ASIC5: variants seen among roughly 807,000 people sequenced by gnomAD.
ASIC5 encodes acid sensing ion channel subunit family member 5.
Under a neutral mutation model 51.2 loss-of-function variants are expected in ASIC5, and 52 were observed. The observed-to-expected ratio is 1.02, with a 90% CI of 0.81 to 1.28. The LOEUF (loss-of-function observed/expected upper bound fraction) is 1.28. Among genes scored for constraint, ASIC5 ranks in the 50% most tolerant of loss-of-function variants. ASIC5 has a pLI of 0.00. For missense variants in ASIC5, 635 were observed against 595.0 expected (o/e 1.07, Z -0.70); for synonymous variants, 231 against 200.7 (o/e 1.15, Z -1.28).
intron 2 of ASIC5, among the ~76,000 whole-genome samples, chr4:155,857,284 C>T (rs918628741): frequency 6.6e-6 from 1 of 151,922 alleles, no homozygotes; most frequent in Non-Finnish European, 1.5e-5. Context: ...CCACCATGCC[C>T]AGCTAATTTT....
At chr4:155,839,721 TA>T (rs923437010) in intron 6 of ASIC5, among the ~76,000 whole-genome samples, 63 of 137,066 alleles carry the variant, frequency 4.6e-4, no homozygotes, top group Middle Eastern at 3.6e-3. Flanking sequence ...ATACAATAAG[TA>T]AAAAAAAAAA....
rs370086360 is a variant in ASIC5, at chr4:155,842,318, G to A, written c.898C>T (p.Pro300Ser). 1.7e-5 allele frequency: 27 copies of A among 1,613,192 alleles called. No homozygotes were observed. Among genetic ancestry groups the A allele is most frequent in the African/African-American group, 4.0e-5 (3 of 74,868 alleles). The change falls in exon 6 of 10, where the codon CCT becomes TCT. Residue 300 changes from proline to serine, a missense_variant. Pro to Ser is a moderately conservative substitution (Grantham distance 74). Transcript: ENST00000537611. ...HQEYPWGECN[P>S]NIKLQNFSSY... ...CTAAAATTCTGCAGCTTGATGTTAG[G>A]ATTGCATTCTCCCCAAGGGTATTCT...
intron 9 of ASIC5, among the ~76,000 whole-genome samples, chr4:155,830,654 G>A (rs541681366): frequency 2.6e-5 from 4 of 152,058 alleles, no homozygotes; most frequent in East Asian, 3.8e-4. Flanking sequence ...CATTAAGTAC[G>A]TTCACATTGT....
intron 2 of ASIC5, 112 bp downstream of exon 2, chr4:155,863,336 G>A: frequency 2.1e-5 from 17 of 818,884 alleles, no homozygotes; most frequent in Non-Finnish European, 3.0e-5. Context: ...ATTTAATTCA[G>A]TGGTTTTACA....
chr4:155,843,970 C>T (rs1741180436), intron 4 of ASIC5, 140 bp from the exon 5 acceptor site: 1 of 850,780 alleles, frequency 1.2e-6, no homozygotes, highest in Admixed American at 2.8e-5. Context: ...CTCTTTTTGT[C>T]TAAAGTGTAT....
intron 2 of ASIC5, among the ~76,000 whole-genome samples, chr4:155,858,501 G>A (rs926856713): frequency 1.3e-5 from 2 of 152,064 alleles, no homozygotes; most frequent in African/African-American, 4.8e-5. Flanking sequence ...TCATTTCTGT[G>A]TAAAACTAAA....
At chr4:155,860,330 T>G (rs1023790602) in intron 2 of ASIC5, among the ~76,000 whole-genome samples, 13 of 151,868 alleles carry the variant, frequency 8.6e-5, no homozygotes, top group African/African-American at 3.1e-4. Context: ...TAAATAAATA[T>G]ACTTAGGGTT....
rs1284079908 is a variant in ASIC5 at position 155,830,118 on chromosome 4, A to G, written c.1328-72T>C. On this transcript the variant is annotated intron_variant, in intron 9 of 9. Transcript: ENST00000537611. ...AACAAATATTATTAGAAGTTAAATT[A>G]GTTGAAGCAAAATAGAGTCATAACT... is the stretch of plus-strand genomic sequence containing the variant. 7.4e-6 allele frequency: 8 copies of G among 1,074,220 alleles called. No individual in the cohort carries two copies. In the African/African-American group the frequency reaches 1.2e-4, roughly 16 times the overall value. 66.5% of individuals were successfully genotyped at this position (1,074,220 alleles called of 1,614,324 possible).
chr4:155,845,704 T>G (rs1418370382), intron 4 of ASIC5, among the ~76,000 whole-genome samples: 1 of 152,080 alleles, frequency 6.6e-6, no homozygotes, highest in Non-Finnish European at 1.5e-5. Context: ...TTATACAATA[T>G]TATGATAGAG....
chr4:155,866,266 A>G lies in ASIC5; in HGVS notation c.-40T>C, dbSNP rs568710683. 7.5e-6 allele frequency: 11 copies of G among 1,466,466 alleles called. No individual in the cohort carries two copies. In the East Asian group the frequency reaches 2.3e-4, roughly 30 times the overall value. 90.8% of individuals were successfully genotyped at this position (1,466,466 alleles called of 1,614,324 possible). On this transcript the variant is annotated 5_prime_UTR_variant, in exon 1 of 10. Coordinates refer to ENST00000537611, the MANE Select transcript of ASIC5 (RefSeq NM_017419.3). ...AAGCAAGAGTCCTCAGGGTAACCCAATTTTCATCAATAACAGTATTCATTT... is the reference window on the plus strand; with the variant it reads ...AAGCAAGAGTCCTCAGGGTAACCCAGTTTTCATCAATAACAGTATTCATTT...
At chr4:155,838,394 A>T (rs972895217) in intron 7 of ASIC5, among the ~76,000 whole-genome samples, 1 of 152,204 alleles carries the variant, frequency 6.6e-6, no homozygotes, top group Non-Finnish European at 1.5e-5. Context: ...AAAAAATTTT[A>T]TATGCCAAGT....
rs777081573 is a variant in ASIC5, at chr4:155,843,732, G to T, written c.810C>A (p.Gly270=). Reference sequence around the variant, plus strand: ...CGTGCATTCCCACAGGTGACAACAAGCCTAACCCATCAAACTGTGGCACCT... The same window carrying T: ...CGTGCATTCCCACAGGTGACAACAATCCTAACCCATCAAACTGTGGCACCT... ...PKKVPQFDGL[G]LLSPVGMHAR... is the part of the protein sequence containing the mutation. Residue 270 remains glycine, a synonymous_variant, in exon 5 of 10, where the codon GGC becomes GGA. Coordinates refer to ENST00000537611, the MANE Select transcript of ASIC5 (RefSeq NM_017419.3). 1.7e-5 allele frequency: 27 copies of T among 1,613,582 alleles called. No homozygotes were observed. In the South Asian group the frequency reaches 3.0e-4, roughly 18 times the overall value.
chr4:155,833,401 T>C (rs1405945356), intron 8 of ASIC5, among the ~76,000 whole-genome samples: 1 of 152,220 alleles, frequency 6.6e-6, no homozygotes, highest in Non-Finnish European at 1.5e-5. Flanking sequence ...ATCACTCTCC[T>C]TAATGTTTAC....
intron 4 of ASIC5, among the ~76,000 whole-genome samples, chr4:155,847,877 C>T (rs984494612): frequency 1.3e-5 from 2 of 152,048 alleles, no homozygotes; most frequent in Admixed American, 6.6e-5. Flanking sequence ...AGTTCAGTTT[C>T]TCTATAAATT....
At chr4:155,856,650 A>G (rs1281195247) in intron 2 of ASIC5, among the ~76,000 whole-genome samples, 1 of 152,072 alleles carries the variant, frequency 6.6e-6, no homozygotes, top group East Asian at 1.9e-4. Context: ...TTCTTGGATC[A>G]TTAAGGAATT....
rs138231583 is a variant in ASIC5, at chr4:155,830,403, T to G, written c.1328-357A>C. ...CAGAAGAGTGCCATCCAGAAGGCAC[T>G]ACTGGATGATGATGTTTTCCAGAAA... is the stretch of plus-strand genomic sequence containing the variant. On this transcript the variant is annotated intron_variant, in intron 9 of 9. Transcript: ENST00000537611. Among the ~76,000 whole-genome samples the G allele has an allele frequency of 3.4e-3, 515 of 152,292 alleles. 4 individuals carry two copies. The highest frequency in any genetic ancestry group is 0.012 in the African/African-American group (488 of 41,574).
intron 3 of ASIC5, among the ~76,000 whole-genome samples, chr4:155,853,419 G>A (rs1741432719): frequency 6.6e-6 from 1 of 151,758 alleles, no homozygotes; most frequent in African/African-American, 2.4e-5. Context: ...CAAATTGCCT[G>A]TATAGTTCTT....
In ASIC5 at chr4:155,838,950, C is replaced by A. The variant is rs1414281598; in HGVS notation, c.1010-81G>T. ...CTAATGACAAAAATACCTTTCTTAC[C>A]TACATCTATCCATCCATTCATCCAC... On this transcript the variant is annotated intron_variant, in intron 6 of 9. Coordinates refer to ENST00000537611, the MANE Select transcript of ASIC5 (RefSeq NM_017419.3). 7 of 715,116 alleles carry A rather than the reference C, an allele frequency of 9.8e-6. No individual in the cohort carries two copies. In the Admixed American group the frequency reaches 1.3e-4, roughly 14 times the overall value. 44.3% of individuals were successfully genotyped at this position (715,116 alleles called of 1,614,324 possible). A position where few individuals can be genotyped will look rare whatever the true frequency, so the allele number is the denominator to read the frequency against.
At chr4:155,838,982 A>G (rs1741056537) in intron 6 of ASIC5, 113 bp from the exon 7 acceptor site, 3 of 608,332 alleles carry the variant, frequency 4.9e-6, no homozygotes, top group Non-Finnish European at 8.8e-6. Flanking sequence ...CCACCCACCC[A>G]TTCTTCTATA....
Sources: allele counts gnomAD v4.1 joint callset (sites outside exome capture counted in the v4.1 genomes callset), GRCh38; gene constraint gnomAD v4.1.1; transcripts MANE v1.5; gene names NCBI Gene and HGNC (gene_info 2026-07-23, HGNC 2026-07-21).